The following RARB variants were observed in gnomAD, a reference collection of about 807,000 sequenced individuals.
RARB encodes the protein HBV-activated protein.
Under a neutral mutation model 51.9 loss-of-function variants are expected in RARB, and 17 were observed. The observed-to-expected ratio is 0.33, with a 90% CI of 0.22 to 0.49. RARB has a LOEUF of 0.49. Among genes scored for constraint, RARB ranks in the 20% least tolerant of loss-of-function variants. The probability of loss-of-function intolerance (pLI) is 0.99; values close to 1 mark genes in which losing one functional copy is unlikely to be tolerated. For missense variants in RARB, 369 were observed against 550.8 expected, an observed-to-expected ratio of 0.67 and a Z score of 3.30; for synonymous variants, 215 against 195.4, an observed-to-expected ratio of 1.10 and a Z score of -0.84.
intron 5 of RARB, among the ~76,000 whole-genome samples, chr3:25,360,737 A>G (rs1358961619): frequency 8.7e-6 from 1 of 115,044 alleles, no homozygotes; most frequent in Non-Finnish European, 1.8e-5. Flanking sequence ...TTCACTTATA[A>G]AGCTTAGTTT....
At chr3:25,159,194 GC>G (rs1326525732) in intron 4 of RARB, among the ~76,000 whole-genome samples, 5 of 25,926 alleles carry the variant, frequency 1.9e-4, no homozygotes, top group Non-Finnish European at 3.6e-4. Flanking sequence ...ATGGAGTTTT[GC>G]TTTTGTTGCC....
At chr3:25,161,256 C>G (rs1700469099) in intron 4 of RARB, among the ~76,000 whole-genome samples, 1 of 150,840 alleles carries the variant, frequency 6.6e-6, no homozygotes, top group African/African-American at 2.4e-5. Context: ...CTATGTTTGC[C>G]AGGTTGCTCT....
chr3:24,909,300 ATTC>A (rs1440079955), intron 2 of RARB, among the ~76,000 whole-genome samples: 1 of 152,190 alleles, frequency 6.6e-6, no homozygotes, highest in Non-Finnish European at 1.5e-5. Context: ...CACCTACTAT[ATTC>A]TTCTATAACA....
intron 2 of RARB, among the ~76,000 whole-genome samples, chr3:24,900,071 A>G (rs1703569550): frequency 6.6e-6 from 1 of 152,252 alleles, no homozygotes; most frequent in Non-Finnish European, 1.5e-5. Context: ...AGTGTCATGT[A>G]CAGGGCAAGT....
chr3:25,518,213 A>AG (rs1379321235), intron 3 of RARB, among the ~76,000 whole-genome samples: 4 of 152,206 alleles, frequency 2.6e-5, no homozygotes, highest in Admixed American at 2.6e-4. Flanking sequence ...TAAACCTTGG[A>AG]GTCAGATTCG....
intron 1 of RARB, among the ~76,000 whole-genome samples, chr3:24,849,224 GTAAAT>G (rs1429783279): frequency 6.6e-6 from 1 of 152,160 alleles, no homozygotes; most frequent in East Asian, 1.9e-4. Context: ...AAAAAGTAAA[GTAAAT>G]GTAGTCTCTC....
At chr3:25,151,769 AG>A (rs1559484274) in intron 4 of RARB, among the ~76,000 whole-genome samples, 1 of 152,182 alleles carries the variant, frequency 6.6e-6, no homozygotes, top group African/African-American at 2.4e-5. Flanking sequence ...CACGTCTCAA[AG>A]GAATGTTTGT....
At chr3:25,546,515 G>A (rs1294957383) in intron 3 of RARB, among the ~76,000 whole-genome samples, 1 of 152,128 alleles carries the variant, frequency 6.6e-6, no homozygotes, top group Non-Finnish European at 1.5e-5. Flanking sequence ...CCAGTTGCAA[G>A]GTAGCTGTGG....
chr3:24,971,800 C>T (rs1696404000), intron 2 of RARB, among the ~76,000 whole-genome samples: 1 of 151,878 alleles, frequency 6.6e-6, no homozygotes, highest in South Asian at 2.1e-4. Flanking sequence ...TATAATCCTT[C>T]TATGTTGAGA....
intron 2 of RARB, among the ~76,000 whole-genome samples, chr3:24,999,565 T>A (rs1409362840): frequency 6.6e-6 from 1 of 152,216 alleles, no homozygotes; most frequent in East Asian, 1.9e-4. Context: ...GATGACATCA[T>A]CGGCAGAAAA....
At chr3:25,320,020 A>G (rs2125438684) in intron 5 of RARB, among the ~76,000 whole-genome samples, 1 of 141,588 alleles carries the variant, frequency 7.1e-6, no homozygotes, top group East Asian at 2.4e-4. Flanking sequence ...AAAAAAAATA[A>G]GGATCATCTT....
chr3:24,846,807 A>G (rs757812182), intron 1 of RARB, among the ~76,000 whole-genome samples: 7 of 151,808 alleles, frequency 4.6e-5, no homozygotes, highest in Non-Finnish European at 8.8e-5. Flanking sequence ...TAACTTGCTT[A>G]TTAACAATTA....
chr3:25,307,618 G>A (rs1196025898), intron 5 of RARB, among the ~76,000 whole-genome samples: 1 of 152,150 alleles, frequency 6.6e-6, no homozygotes, highest in African/African-American at 2.4e-5. Flanking sequence ...TTTGTACTTT[G>A]ATCAGAGCTT....
At chr3:25,178,531 C>T (rs181932283) in intron 5 of RARB, among the ~76,000 whole-genome samples, 1,804 of 152,064 alleles carry the variant, frequency 0.012, 18 homozygotes, top group Middle Eastern at 0.045. Flanking sequence ...ATCCAGACCC[C>T]GAGACCCCAG....
chr3:25,223,511 C>G (rs1299363557), intron 5 of RARB, among the ~76,000 whole-genome samples: 2 of 152,070 alleles, frequency 1.3e-5, no homozygotes, highest in African/African-American at 4.8e-5. Context: ...TTTACAATGA[C>G]AAGCTTGAAA....
At chr3:25,518,617 A>G (rs1335197620) in intron 3 of RARB, among the ~76,000 whole-genome samples, 2 of 152,188 alleles carry the variant, frequency 1.3e-5, no homozygotes, top group Non-Finnish European at 2.9e-5. Flanking sequence ...AGAGAGTACA[A>G]TAAAGATGGC....
At chr3:25,294,485 G>A (rs1443987746) in intron 5 of RARB, among the ~76,000 whole-genome samples, 2 of 152,202 alleles carry the variant, frequency 1.3e-5, no homozygotes, top group Non-Finnish European at 1.5e-5. Context: ...AGAGCTAAAA[G>A]AGGAAACTGC....
chr3:25,185,167 G>C (rs1559496737), intron 5 of RARB, among the ~76,000 whole-genome samples: 1 of 151,982 alleles, frequency 6.6e-6, no homozygotes, highest in Non-Finnish European at 1.5e-5. Flanking sequence ...TTTAATTTCA[G>C]AATTCTCAAG....
intron 2 of RARB, among the ~76,000 whole-genome samples, chr3:24,893,589 C>T (rs1703427382): frequency 6.6e-6 from 1 of 152,124 alleles, no homozygotes; most frequent in Non-Finnish European, 1.5e-5. Context: ...TAGATCATAG[C>T]TCACTGCAAC....
Sources: allele counts gnomAD v4.1 joint callset (sites outside exome capture counted in the v4.1 genomes callset), GRCh38; gene constraint gnomAD v4.1.1; transcripts MANE v1.5; gene names NCBI Gene and HGNC (gene_info 2026-07-23, HGNC 2026-07-21).